Variants in ZSWIM5 observed in about 807,000 individuals in gnomAD.
The protein encoded by ZSWIM5 is zinc finger SWIM domain-containing protein 5.
In ZSWIM5, 55 loss-of-function variants were observed where a neutral mutation model predicts 119.6. That is an observed-to-expected ratio of 0.46 (90% CI 0.37 to 0.58). ZSWIM5 has a LOEUF of 0.58. Ranked by LOEUF, ZSWIM5 falls within the 20% of genes least tolerant of loss-of-function variation. ZSWIM5 has a pLI of 0.00. For synonymous variants in ZSWIM5, 537 were observed against 606.9 expected (o/e 0.88, Z 1.69); for missense variants, 1,193 against 1,512.8 (o/e 0.79, Z 3.51).
chr1:45,139,694 ATTTTT>A (rs774168631), intron 1 of ZSWIM5, among the ~76,000 whole-genome samples: 2 of 67,330 alleles, frequency 3.0e-5, no homozygotes, highest in African/African-American at 1.2e-4. Context: ...GCTTTCTTCG[ATTTTT>A]TTTTTTTTTT....
At chr1:45,171,948 A>G (rs970238784) in intron 1 of ZSWIM5, among the ~76,000 whole-genome samples, 1 of 152,138 alleles carries the variant, frequency 6.6e-6, no homozygotes, top group Non-Finnish European at 1.5e-5. Context: ...TTTGAATGAG[A>G]CTATTCAAGT....
In ZSWIM5 at chr1:45,196,384, CTT is replaced by C. The variant is rs767673983; in HGVS notation, c.595+9370_595+9371del. 1.4e-3 allele frequency among the ~76,000 whole-genome samples: 104 copies of C among 76,378 alleles called. No individual in the cohort carries two copies. In the East Asian group the frequency reaches 0.014, roughly 11 times the overall value. The allele number at this position is 76,378 out of a possible 152,430, so 50.1% of individuals were successfully genotyped here. On this transcript the variant is annotated intron_variant, in intron 1 of 13. Transcript: ENST00000359600. ...AAACCAAGATTGAAGCCCACAATTC[CTT>C]TTTTTTTTTTTTTTTTTTTTTGAGG... is the stretch of plus-strand genomic sequence containing the variant.
At chr1:45,108,341 G>C (rs1645494198) in intron 1 of ZSWIM5, among the ~76,000 whole-genome samples, 1 of 151,016 alleles carries the variant, frequency 6.6e-6, no homozygotes, top group Admixed American at 6.6e-5. Flanking sequence ...TGGGAGGACA[G>C]TGGGGGAGGG....
intron 11 of ZSWIM5, among the ~76,000 whole-genome samples, chr1:45,028,076 C>A (rs1644930856): frequency 6.6e-6 from 1 of 152,314 alleles, no homozygotes; most frequent in Non-Finnish European, 1.5e-5. Flanking sequence ...GTCTCGAACT[C>A]CTGACCTCAG....
At chr1:45,020,511 G>T in intron 12 of ZSWIM5, 114 bp downstream of exon 12, 1 of 1,269,664 alleles carries the variant, frequency 7.9e-7, no homozygotes, top group Non-Finnish European at 1.1e-6. Flanking sequence ...TGTGTTCTGG[G>T]CCCAAAGGAA....
chr1:45,051,883 A>G (rs1451781315), intron 4 of ZSWIM5, among the ~76,000 whole-genome samples: 2 of 152,310 alleles, frequency 1.3e-5, no homozygotes, highest in African/African-American at 2.4e-5. Flanking sequence ...GGTCTAGCAT[A>G]TTACCTAGCA....
chr1:45,104,833 C>A (rs1230336416), intron 1 of ZSWIM5, among the ~76,000 whole-genome samples: 20 of 152,334 alleles, frequency 1.3e-4, no homozygotes, highest in Middle Eastern at 3.4e-3. Context: ...CCCCTCAGCA[C>A]CAGCTTCAGC....
chr1:45,050,697 G>A (rs904933514), intron 5 of ZSWIM5, among the ~76,000 whole-genome samples: 14 of 152,156 alleles, frequency 9.2e-5, no homozygotes, highest in Non-Finnish European at 1.6e-4. Context: ...TTTTAAAATT[G>A]CTTCTTACAG....
intron 1 of ZSWIM5, among the ~76,000 whole-genome samples, chr1:45,170,741 T>G (rs1476748002): frequency 1.3e-5 from 2 of 151,380 alleles, no homozygotes; most frequent in Non-Finnish European, 2.9e-5. Flanking sequence ...AAGGTTAATT[T>G]AAAAATTATT....
At chr1:45,116,654 A>G (rs966703904) in intron 1 of ZSWIM5, among the ~76,000 whole-genome samples, 15 of 152,250 alleles carry the variant, frequency 9.9e-5, no homozygotes, top group African/African-American at 3.6e-4. Flanking sequence ...ACCAATGGCC[A>G]AACAGTATAA....
intron 1 of ZSWIM5, among the ~76,000 whole-genome samples, chr1:45,150,185 A>G (rs1197085876): frequency 1.3e-5 from 2 of 151,362 alleles, no homozygotes; most frequent in East Asian, 1.9e-4. Flanking sequence ...AAAAAAAAAA[A>G]AAAAAAGAAA....
chr1:45,116,670 G>A lies in ZSWIM5; in HGVS notation c.596-28433C>T, dbSNP rs148469290. Among the ~76,000 whole-genome samples the A allele has an allele frequency of 2.3e-3, 343 of 152,216 alleles. 1 individual carries two copies. The highest frequency in any genetic ancestry group is 8.0e-3 in the African/African-American group (332 of 41,532). The stretch of plus-strand genomic sequence containing the variant: ...CCAATGGCCAAACAGTATAACCTCC[G>A]AAAATGATAAGCAATTACCTTGAGG... On this transcript the variant is annotated intron_variant, in intron 1 of 13. Coordinates refer to ENST00000359600, the MANE Select transcript of ZSWIM5 (RefSeq NM_020883.2).
At chr1:45,116,305 T>C (rs1018113247) in intron 1 of ZSWIM5, among the ~76,000 whole-genome samples, 1 of 152,210 alleles carries the variant, frequency 6.6e-6, no homozygotes, top group Non-Finnish European at 1.5e-5. Flanking sequence ...CTAGAGAATA[T>C]AGGAGATTTT....
At chr1:45,194,797 A>G (rs1410138357) in intron 1 of ZSWIM5, among the ~76,000 whole-genome samples, 1 of 152,024 alleles carries the variant, frequency 6.6e-6, no homozygotes, top group Non-Finnish European at 1.5e-5. Context: ...GAATGGTGTG[A>G]ACCCAGGAGG....
Position 45,092,538 on chromosome 1 carries a change from A to ACC in ZSWIM5, c.596-4303_596-4302dup, listed in dbSNP as rs761534239. 5.4e-3 allele frequency among the ~76,000 whole-genome samples: 311 copies of ACC among 57,250 alleles called. 8 individuals carry two copies. Among genetic ancestry groups the ACC allele is most frequent in the South Asian group, 0.038 (47 of 1,244 alleles). The allele number at this position is 57,250 out of a possible 152,430, so 37.6% of individuals were successfully genotyped here. On this transcript the variant is annotated intron_variant, in intron 1 of 13. Coordinates refer to ENST00000359600, the MANE Select transcript of ZSWIM5 (RefSeq NM_020883.2). ...TCTTGAACTTGTGACCTCGTGATCC[A>ACC]CCCCCCCCCCCCCGCCAGCCTTACA... is the stretch of plus-strand genomic sequence containing the variant.
chr1:45,051,922 C>G (rs1462043911), intron 4 of ZSWIM5, among the ~76,000 whole-genome samples: 5 of 151,802 alleles, frequency 3.3e-5, no homozygotes, highest in African/African-American at 9.7e-5. Context: ...TTTGCTTATC[C>G]AAGAAAAATA....
intron 5 of ZSWIM5, 98 bp downstream of exon 5, chr1:45,050,976 G>C: frequency 1.7e-6 from 2 of 1,208,972 alleles, no homozygotes; most frequent in Non-Finnish European, 2.3e-6. Flanking sequence ...TGGCAATTCT[G>C]ACAGCTAAAA....
At chr1:45,069,872 G>T (rs1221429801) in intron 2 of ZSWIM5, 3 of 421,916 alleles carry the variant, frequency 7.1e-6, no homozygotes, top group East Asian at 4.1e-5. Flanking sequence ...TTTTACTGTT[G>T]CTCTTCATTC....
intron 1 of ZSWIM5, among the ~76,000 whole-genome samples, chr1:45,138,485 A>T (rs1413539312): frequency 1.3e-5 from 2 of 149,418 alleles, no homozygotes; most frequent in Admixed American, 6.7e-5. Context: ...AGCCTGGGAG[A>T]CAAGAGTGAA....
Sources: allele counts gnomAD v4.1 joint callset (sites outside exome capture counted in the v4.1 genomes callset), GRCh38; gene constraint gnomAD v4.1.1; transcripts MANE v1.5; gene names NCBI Gene and HGNC (gene_info 2026-07-23, HGNC 2026-07-21).